IL31RA: variants seen among roughly 807,000 people sequenced by gnomAD.
IL31RA encodes interleukin-31 receptor subunit alpha.
Under a neutral mutation model 83.7 loss-of-function variants are expected in IL31RA, and 66 were observed. That is an observed-to-expected ratio of 0.79 (90% confidence interval 0.65 to 0.97). The LOEUF is 0.97. Ranked by LOEUF, IL31RA falls within the 50% of genes least tolerant of loss-of-function variation. IL31RA has a pLI of 0.00. For missense variants in IL31RA, 798 were observed against 919.4 expected (o/e 0.87, Z 1.71); for synonymous variants, 325 against 329.0 (o/e 0.99, Z 0.13).
chr5:55,860,360 T>A (rs1745603617), intron 2 of IL31RA, among the ~76,000 whole-genome samples: 1 of 62,278 alleles, frequency 1.6e-5, no homozygotes, highest in African/African-American at 6.6e-5. Flanking sequence ...GAGCAAGACC[T>A]TGTCTCAAAA....
intron 11 of IL31RA, among the ~76,000 whole-genome samples, chr5:55,910,115 A>G (rs1473200205): frequency 2.6e-5 from 4 of 152,122 alleles, no homozygotes; most frequent in Non-Finnish European, 5.9e-5. Context: ...TATATTCTGG[A>G]TATAAGTTAT....
At chr5:55,867,730 C>A (rs1746274829) in intron 2 of IL31RA, among the ~76,000 whole-genome samples, 1 of 152,058 alleles carries the variant, frequency 6.6e-6, no homozygotes, top group Non-Finnish European at 1.5e-5. Flanking sequence ...CTGGGGAGGC[C>A]TCAGAATCAT....
rs1750043060 is a variant in IL31RA, at chr5:55,920,570, CAG to C, written c.*3453_*3454del. On this transcript the variant is annotated 3_prime_UTR_variant, in exon 15 of 15. Transcript: ENST00000652347. ...AAGGCAGAGTTGAGTAGTTTCAACA[CAG>C]AGTTTTTCCCACAAAGCAGAAAACG... 6.6e-6 allele frequency among the ~76,000 whole-genome samples: 1 copy of C among 152,182 alleles called. No individual in the cohort carries two copies. Among genetic ancestry groups the C allele is most frequent in the African/African-American group, 2.4e-5 (1 of 41,442 alleles).
chr5:55,863,332 A>T (rs1233278656), intron 2 of IL31RA, among the ~76,000 whole-genome samples: 1 of 152,218 alleles, frequency 6.6e-6, no homozygotes, highest in Non-Finnish European at 1.5e-5. Context: ...AGTCAGGGAG[A>T]GTTGTTTATG....
intron 5 of IL31RA, among the ~76,000 whole-genome samples, chr5:55,884,314 AT>A (rs1747445751): frequency 6.6e-6 from 1 of 152,186 alleles, no homozygotes; most frequent in South Asian, 2.1e-4. Context: ...CTTTACCTTT[AT>A]GCTTAATGCC....
In IL31RA at chr5:55,851,561, T is replaced by C; in HGVS notation, c.-10T>C. The C allele has an allele frequency of 1.2e-6, 2 of 1,614,020 alleles. No individual in the cohort carries two copies. The highest frequency in any genetic ancestry group is 1.7e-6 in the Non-Finnish European group (2 of 1,179,898). ...AGGCAGAGTGTCAGCTTGTTCCACC[T>C]CAGCTGGGAATGTGCATCAGGCAAC... On this transcript the variant is annotated 5_prime_UTR_variant, in exon 1 of 15. Transcript: ENST00000652347.
rs991246126 is a variant in IL31RA at position 55,879,361 on chromosome 5, A to G, written c.455-3683A>G. Among the ~76,000 whole-genome samples the G allele has an allele frequency of 5.4e-5, 8 of 147,516 alleles. No homozygotes were observed. The South Asian group carries it at 1.7e-3, about 31-fold the overall frequency. ...GACTTTGTCTTGATTTGGTGTTTAT[A>G]ATGGTTATAAACCTTGGGTTGATTT... On this transcript the variant is annotated intron_variant, in intron 4 of 14. Transcript: ENST00000652347.
chr5:55,856,500 C>G (rs1445234334), intron 1 of IL31RA, among the ~76,000 whole-genome samples: 1 of 152,200 alleles, frequency 6.6e-6, no homozygotes, highest in Non-Finnish European at 1.5e-5. Context: ...TCTTATGGCC[C>G]AGATTTGGGG....
chr5:55,852,711 G>A (rs1745136358), intron 1 of IL31RA, among the ~76,000 whole-genome samples: 3 of 152,148 alleles, frequency 2.0e-5, no homozygotes, highest in Admixed American at 1.3e-4. Context: ...ACAAACGGTT[G>A]CAAAATTGTG....
chr5:55,881,714 AGAT>A (rs1747244850), intron 4 of IL31RA, among the ~76,000 whole-genome samples: 2 of 101,826 alleles, frequency 2.0e-5, no homozygotes, highest in Non-Finnish European at 3.8e-5. Flanking sequence ...CCAGTTCCTG[AGAT>A]TTTTTTTTTT....
chr5:55,861,547 C>T (rs1745688001), intron 2 of IL31RA, among the ~76,000 whole-genome samples: 1 of 152,184 alleles, frequency 6.6e-6, no homozygotes, highest in African/African-American at 2.4e-5. Context: ...ATCCGTACCC[C>T]AGGTCCATGG....
intron 6 of IL31RA, among the ~76,000 whole-genome samples, chr5:55,893,446 A>G (rs979565791): frequency 6.6e-6 from 1 of 152,260 alleles, no homozygotes; most frequent in Admixed American, 6.5e-5. Context: ...GAAATGGTAT[A>G]GCATCAATTG....
intron 4 of IL31RA, among the ~76,000 whole-genome samples, chr5:55,881,301 CA>C (rs70995744): frequency 0.64 from 88,422 of 138,670 alleles, 28,515 homozygotes; most frequent in African/African-American, 0.84. Flanking sequence ...GGCTCCATCT[CA>C]AAAAAAAAAA....
intron 2 of IL31RA, among the ~76,000 whole-genome samples, chr5:55,862,751 T>C (rs760407681): frequency 1.9e-4 from 29 of 152,202 alleles, no homozygotes; most frequent in Non-Finnish European, 3.1e-4. Context: ...GGGTACCACA[T>C]TGCGTTGAAT....
At chr5:55,881,493 T>C (rs751298299) in intron 4 of IL31RA, among the ~76,000 whole-genome samples, 8 of 151,946 alleles carry the variant, frequency 5.3e-5, no homozygotes, top group Non-Finnish European at 1.2e-4. Flanking sequence ...TTGCGTCCCA[T>C]TTCCCTTGAT....
At position 55,906,575 on chromosome 5, in the gene IL31RA, T is replaced by C. The variant is rs184652166; in HGVS notation, c.1252+287T>C. Among the ~76,000 whole-genome samples the C allele has an allele frequency of 2.3e-3, 347 of 152,280 alleles. 1 individual carries two copies. The highest frequency in any genetic ancestry group is 7.5e-3 in the African/African-American group (311 of 41,550). On this transcript the variant is annotated intron_variant, in intron 9 of 14. Transcript: ENST00000652347. ...CTTCCCGGATAGCTGGGTCATCCCA[T>C]GGATAACTCCAGAATGTGGATCCCA...
chr5:55,869,679 G>A (rs1746393615), intron 3 of IL31RA, among the ~76,000 whole-genome samples: 2 of 152,016 alleles, frequency 1.3e-5, no homozygotes, highest in Admixed American at 1.3e-4. Context: ...TCACCATGTT[G>A]GCCAGGCTGG....
At chr5:55,847,236 AAAAAATAAAAAT>A (rs56247326), upstream of IL31RA, among the ~76,000 whole-genome samples, 6 of 42,976 alleles carry the variant, frequency 1.4e-4, no homozygotes, top group African/African-American at 6.2e-4. Context: ...GAAAAAAAAA[AAAAAATAAAAAT>A]AAATAAATAA....
Position 55,917,260 on chromosome 5 carries a change from C to A in IL31RA, c.*140C>A. 6.4e-7 allele frequency: 1 copy of A among 1,572,802 alleles called. No homozygotes were observed. The highest frequency in any genetic ancestry group is 8.6e-7 in the Non-Finnish European group (1 of 1,166,250). On this transcript the variant is annotated 3_prime_UTR_variant, in exon 15 of 15. Transcript: ENST00000652347. ...AAGTTTCCCCTGCCCCTTGAGCTGC[C>A]AGTTGAACTTGGTCGGCAAAGATGC...
Sources: gnomAD v4.1 joint callset for allele counts (sites outside exome capture counted in the v4.1 genomes callset) on GRCh38, gnomAD v4.1.1 for gene constraint, MANE v1.5 for transcripts, NCBI Gene and HGNC (gene_info 2026-07-23, HGNC 2026-07-21) for gene names.